Variants in LIMCH1 observed in about 807,000 individuals in gnomAD.
The protein encoded by LIMCH1 is LIM and calponin homology domains-containing protein 1.
LIMCH1 carries 113 observed loss-of-function variants against 176.5 expected under a neutral mutation model. That is an observed-to-expected ratio of 0.64 (90% CI 0.55 to 0.75). The LOEUF is 0.75. Among genes scored for constraint, LIMCH1 ranks in the 30% least tolerant of loss-of-function variants. The probability of loss-of-function intolerance (pLI) is 0.00; values close to 1 mark genes in which losing one functional copy is unlikely to be tolerated. For missense variants in LIMCH1, 1,674 were observed against 1,814.9 expected (o/e 0.92, Z 1.41); for synonymous variants, 619 against 645.9 (o/e 0.96, Z 0.63).
intron 17 of LIMCH1, among the ~76,000 whole-genome samples, chr4:41,647,842 A>G (rs537736638): frequency 2.8e-4 from 42 of 152,366 alleles, no homozygotes; most frequent in African/African-American, 9.6e-4. Flanking sequence ...TTAGGCTTTG[A>G]TAGAACAAAA....
chr4:41,680,016 A>G lies in LIMCH1; in HGVS notation c.3530A>G (p.Gln1177Arg). ...GAAATTCCATAACAGGAGAGATACC[A>G]GAAGGAGCAGGACAAGCTGAAAGAA... is the stretch of plus-strand genomic sequence containing the variant. ...EQERLLQERY[Q>R]KEQDKLKEEW... The change falls in exon 24 of 32, where the codon CAG (glutamine) becomes CGG (arginine). Residue 1177 changes from glutamine (Q) to arginine (R), a missense_variant. By Grantham distance (43) the Gln-to-Arg change is conservative (BLOSUM62 1). This residue lies in a region of LIMCH1 where 1,015 missense variants were observed against 1,102.5 expected (regional missense o/e 0.92). Coordinates refer to ENST00000503057, the MANE Select transcript of LIMCH1 (RefSeq NM_001330672.2). The G allele has an allele frequency of 1.2e-6, 2 of 1,609,052 alleles. No homozygotes were observed. The highest frequency in any genetic ancestry group is 2.2e-5 in the East Asian group (1 of 44,730).
At chr4:41,537,468 C>CTG (rs1241942299), upstream of LIMCH1, among the ~76,000 whole-genome samples, 1 of 152,216 alleles carries the variant, frequency 6.6e-6, no homozygotes, top group East Asian at 1.9e-4. Context: ...CAGCAGAGGA[C>CTG]TGTAAACACA....
chr4:41,604,317 A>G (rs535614283), intron 3 of LIMCH1: 86 of 568,876 alleles, frequency 1.5e-4, no homozygotes, highest in African/African-American at 1.4e-3. Context: ...CCATGGGCCT[A>G]TACTCTATGT....
chr4:41,384,534 G>A (rs979095931), intron 1 of LIMCH1, among the ~76,000 whole-genome samples: 1 of 152,148 alleles, frequency 6.6e-6, no homozygotes, highest in Non-Finnish European at 1.5e-5. Context: ...GGTCATCACA[G>A]AATCCTCAGC....
chr4:41,518,933 A>G (rs1332117200), intron 2 of LIMCH1, among the ~76,000 whole-genome samples: 1 of 152,050 alleles, frequency 6.6e-6, no homozygotes, highest in Non-Finnish European at 1.5e-5. Flanking sequence ...TTACGGCTGC[A>G]TAGTATTCCA....
chr4:41,375,336 G>A (rs1202335051), intron 1 of LIMCH1, among the ~76,000 whole-genome samples: 2 of 151,944 alleles, frequency 1.3e-5, no homozygotes, highest in African/African-American at 2.4e-5. Flanking sequence ...AATGTCAAGT[G>A]CCCAACCCAT....
Position 41,689,607 on chromosome 4 carries a change from A to G in LIMCH1, c.4247A>G (p.Asn1416Ser). Reference protein sequence around the residue: ...KGAAMIIETLNLYFHIQCFRC... With the variant: ...KGAAMIIETLSLYFHIQCFRC... ...GCTGCAATGATCATCGAGACCCTCA[A>G]TCTCTATTTTCACATCCAGTGTTTC... The change falls in exon 30 of 32, where the codon AAT (asparagine) becomes AGT (serine). Residue 1416 changes from asparagine to serine, a missense_variant. Asn to Ser is a conservative substitution (Grantham distance 46, BLOSUM62 1). Coordinates refer to ENST00000503057, the MANE Select transcript of LIMCH1 (RefSeq NM_001330672.2). 6.2e-7 allele frequency: 1 copy of G among 1,610,484 alleles called. No homozygotes were observed. Among genetic ancestry groups the G allele is most frequent in the Non-Finnish European group, 8.5e-7 (1 of 1,176,880 alleles).
chr4:41,521,821 T>C (rs1368790523), intron 2 of LIMCH1, among the ~76,000 whole-genome samples: 1 of 152,158 alleles, frequency 6.6e-6, no homozygotes, highest in Admixed American at 6.5e-5. Flanking sequence ...TGTCAGTTGA[T>C]TGATAGATTG....
intron 1 of LIMCH1, among the ~76,000 whole-genome samples, chr4:41,479,595 T>G (rs983353004): frequency 6.6e-6 from 1 of 152,202 alleles, no homozygotes; most frequent in African/African-American, 2.4e-5. Flanking sequence ...TATCATCAAA[T>G]GACCAGTATA....
chr4:41,468,833 A>G (rs932351202), intron 1 of LIMCH1, among the ~76,000 whole-genome samples: 2 of 152,104 alleles, frequency 1.3e-5, no homozygotes, highest in Non-Finnish European at 2.9e-5. Flanking sequence ...TCGGATTTCT[A>G]ACTCTGGGCT....
chr4:41,514,696 C>G (rs1427596844), intron 2 of LIMCH1, among the ~76,000 whole-genome samples: 1 of 152,164 alleles, frequency 6.6e-6, no homozygotes, highest in Non-Finnish European at 1.5e-5. Context: ...CCTCTGGTGG[C>G]AATGGAGACT....
chr4:41,395,722 C>CCATT (rs141666020), intron 1 of LIMCH1, among the ~76,000 whole-genome samples: 4,165 of 152,046 alleles, frequency 0.027, 88 homozygotes, highest in Middle Eastern at 0.055. Context: ...CATGTCACCC[C>CCATT]CATTCATTCA....
chr4:41,409,047 A>T (rs2059245751), intron 1 of LIMCH1, among the ~76,000 whole-genome samples: 1 of 152,202 alleles, frequency 6.6e-6, no homozygotes, highest in Admixed American at 6.5e-5. Flanking sequence ...CGCTGTGTAC[A>T]TGGGCTGTGT....
chr4:41,612,889 A>G, intron 4 of LIMCH1: 1 of 1,414,676 alleles, frequency 7.1e-7, no homozygotes, highest in Non-Finnish European at 9.2e-7. Context: ...CCTCAGAAAG[A>G]CAGCTCCCTT....
chr4:41,429,697 G>C (rs2061425221), intron 1 of LIMCH1, among the ~76,000 whole-genome samples: 2 of 152,134 alleles, frequency 1.3e-5, no homozygotes, highest in Non-Finnish European at 2.9e-5. Context: ...GTTTTTATCA[G>C]ACAGGATGTG....
At chr4:41,651,199 T>G (rs1009569260) in intron 18 of LIMCH1, among the ~76,000 whole-genome samples, 1 of 152,014 alleles carries the variant, frequency 6.6e-6, no homozygotes, top group African/African-American at 2.4e-5. Flanking sequence ...AGAGACAGGT[T>G]TCACCATGTT....
chr4:41,430,961 G>A (rs1428383722), intron 1 of LIMCH1, among the ~76,000 whole-genome samples: 1 of 152,112 alleles, frequency 6.6e-6, no homozygotes, highest in Non-Finnish European at 1.5e-5. Context: ...GACGGAAAGT[G>A]TAGCAATTCT....
chr4:41,679,576 T>C (rs773166986), intron 23 of LIMCH1, among the ~76,000 whole-genome samples: 5 of 152,216 alleles, frequency 3.3e-5, no homozygotes, highest in Non-Finnish European at 7.3e-5. Context: ...CCTTTCTGTA[T>C]TGTGTGTCTA....
intron 1 of LIMCH1, among the ~76,000 whole-genome samples, chr4:41,479,506 C>G (rs1486577415): frequency 6.6e-6 from 1 of 152,128 alleles, no homozygotes; most frequent in Admixed American, 6.6e-5. Context: ...TTCACTTCAG[C>G]CTTTCAAAAT....
Sources: gnomAD v4.1 joint callset for allele counts (sites outside exome capture counted in the v4.1 genomes callset) on GRCh38, gnomAD v4.1.1 for gene constraint, gnomAD v4.1.1 regional missense constraint, MANE v1.5 for transcripts, NCBI Gene and HGNC (gene_info 2026-07-23, HGNC 2026-07-21) for gene names.